The following ZNF844 variants were observed in gnomAD, a reference collection of about 807,000 sequenced individuals.
The protein encoded by ZNF844 is zinc finger protein 844.
ZNF844 carries 11 observed loss-of-function variants against 11.4 expected under a neutral mutation model. The observed-to-expected ratio is 0.97, with a 90% confidence interval of 0.61 to 1.60. The LOEUF (loss-of-function observed/expected upper bound fraction) is 1.60, where lower values mean the gene tolerates loss of function less well. ZNF844 is among the 40% of genes most tolerant of loss of function. The pLI is 0.00. For missense variants in ZNF844, 790 were observed against 796.8 expected (o/e 0.99, Z 0.10); for synonymous variants, 248 against 260.3 (o/e 0.95, Z 0.46).
intron 1 of ZNF844, chr19:12,070,395 C>CT (rs1362918490): frequency 6.6e-6 from 1 of 152,244 alleles, no homozygotes; most frequent in East Asian, 1.9e-4. Context: ...AGCCAGCACT[C>CT]TGAGGCATCC....
intron 1 of ZNF844, among the ~76,000 whole-genome samples, chr19:12,069,953 CAAAAA>C (rs34426508): frequency 3.1e-5 from 2 of 64,950 alleles, no homozygotes; most frequent in Admixed American, 1.9e-4. Context: ...GACTCCGTCT[CAAAAA>C]AAAAAAAAAA....
rs1049139647 is a variant in ZNF844 at position 12,076,607 on chromosome 19, G to T, written c.1487G>T (p.Gly496Val). The change falls in exon 4 of 4, where the codon GGA (glycine) becomes GTA (valine). Residue 496 changes from glycine to valine, a missense_variant. This residue lies in a region of ZNF844 where 657 missense variants were observed against 636.2 expected (regional missense o/e 1.03). Transcript: ENST00000439326. ...CCACTTCCTTTCGATATCATGAAAGGACTCACACTGGAGAGAAACCCTATG... is the reference window on the plus strand; with the variant it reads ...CCACTTCCTTTCGATATCATGAAAGTACTCACACTGGAGAGAAACCCTATG... Reference protein sequence around the residue: ...FFPLPFDIMKGLTLERNPMSV... With the variant: ...FFPLPFDIMKVLTLERNPMSV... The T allele has an allele frequency of 1.2e-6, 2 of 1,612,258 alleles. No individual in the cohort carries two copies. Among genetic ancestry groups the T allele is most frequent in the Non-Finnish European group, 1.7e-6 (2 of 1,179,328 alleles).
rs1317384738 is a variant in ZNF844 at position 12,076,873 on chromosome 19, C to T, written c.1753C>T (p.Pro585Ser). The part of the protein sequence containing the change: ...YMQQCTEDRM[P>S]MNVKSVTKHS... ...GCAACAATGCACAGAGGACAGAATG[C>T]CTATGAATGTAAAGAGTGTGACAAA... is the stretch of plus-strand genomic sequence containing the variant. Residue 585 changes from proline to serine, a missense_variant, in exon 4 of 4, where the codon CCT becomes TCT. This residue lies in a region of ZNF844 where 657 missense variants were observed against 636.2 expected (regional missense o/e 1.03). Transcript: ENST00000439326. The T allele has an allele frequency of 1.9e-6, 3 of 1,567,002 alleles. No homozygotes were observed. Among genetic ancestry groups the T allele is most frequent in the Non-Finnish European group, 2.6e-6 (3 of 1,155,932 alleles).
intron 1 of ZNF844, 47 bp from the exon 2 acceptor site, chr19:12,073,984 T>A (rs778409274): frequency 6.3e-7 from 1 of 1,588,278 alleles, no homozygotes; most frequent in Non-Finnish European, 8.6e-7. Flanking sequence ...AGACCCCCAG[T>A]GCTGTCAGTC....
chr19:12,068,901 G>A (rs1975721403), intron 1 of ZNF844, among the ~76,000 whole-genome samples: 1 of 152,102 alleles, frequency 6.6e-6, no homozygotes, highest in Admixed American at 6.6e-5. Context: ...TCAGAAGCCT[G>A]CAAAGAGGTC....
Position 12,074,373 on chromosome 19 carries a change from A to G in ZNF844, c.143A>G (p.Lys48Arg). Residue 48 changes from lysine (K) to arginine (R), a missense_variant, in exon 3 of 4, where the codon AAA (lysine) becomes AGA (arginine). Lys to Arg is a conservative substitution (Grantham distance 26). Around this residue, in one of 3 missense-constraint regions of ZNF844, gnomAD observed 129 missense variants for 144.0 expected, o/e 0.90. Coordinates refer to ENST00000439326, the MANE Select transcript of ZNF844 (RefSeq NM_001136501.3). The part of the protein sequence containing the change: ...RNLASIGEKW[K>R]DQNIEDQYKN... ...TTCTGTATTTTAGGAGAAAAATGGA[A>G]AGACCAGAACATTGAAGATCAGTAC... The G allele has an allele frequency of 6.5e-7, 1 of 1,529,140 alleles. No individual in the cohort carries two copies. Among genetic ancestry groups the G allele is most frequent in the Non-Finnish European group, 8.8e-7 (1 of 1,140,086 alleles). 94.7% of individuals were successfully genotyped at this position (1,529,140 alleles called of 1,614,324 possible). A position where few individuals can be genotyped will look rare whatever the true frequency, so the allele number is the denominator to read the frequency against.
chr19:12,068,652 A>G (rs547496298), intron 1 of ZNF844, among the ~76,000 whole-genome samples: 2 of 152,294 alleles, frequency 1.3e-5, no homozygotes, highest in East Asian at 3.9e-4. Context: ...AAAAAATAAA[A>G]TAATTTAAAG....
Position 12,076,218 on chromosome 19 carries a change from T to TA in ZNF844, c.1100dup (p.Thr368AspfsTer13). Reference sequence around the variant, plus strand: ...ACACTAGAATGAGACCTTATAAATGTAAGACTGTGGAAAAGCCTTTGATTC... The same window carrying TA: ...ACACTAGAATGAGACCTTATAAATGTAAAGACTGTGGAAAAGCCTTTGATTC... On this transcript the variant is annotated frameshift_variant, in exon 4 of 4. Coordinates refer to ENST00000439326, the MANE Select transcript of ZNF844 (RefSeq NM_001136501.3). LOFTEE classifies it low-confidence loss of function (END_TRUNC). 1 of 1,598,956 alleles carries TA rather than the reference T, an allele frequency of 6.3e-7. No homozygotes were observed. The highest frequency in any genetic ancestry group is 1.8e-5 in the Admixed American group (1 of 56,878).
At chr19:12,070,352 T>A (rs1054222531) in intron 1 of ZNF844, 11 of 152,308 alleles carry the variant, frequency 7.2e-5, no homozygotes, top group African/African-American at 2.6e-4. Context: ...CTGGTCCATC[T>A]TCTTCTTCAC....
intron 1 of ZNF844, among the ~76,000 whole-genome samples, chr19:12,069,467 G>A (rs1230129743): frequency 2.6e-5 from 4 of 151,406 alleles, no homozygotes; most frequent in South Asian, 2.1e-4. Flanking sequence ...TAACAGGGGT[G>A]AGCCATCGCG....
intron 1 of ZNF844, among the ~76,000 whole-genome samples, chr19:12,073,573 T>G (rs773113095): frequency 6.5e-4 from 99 of 152,090 alleles, no homozygotes; most frequent in Non-Finnish European, 1.1e-3. Context: ...TTTTTTGCTT[T>G]TGTTGTCTGC....
chr19:12,076,217 G>A lies in ZNF844; in HGVS notation c.1097G>A (p.Cys366Tyr). 2 of 1,598,484 alleles carry A rather than the reference G, an allele frequency of 1.3e-6. No individual in the cohort carries two copies. The highest frequency in any genetic ancestry group is 1.8e-5 in the Admixed American group (1 of 56,778). ...CACACTAGAATGAGACCTTATAAAT[G>A]TAAGACTGTGGAAAAGCCTTTGATT... ...KMHTRMRPYKCKTVEKPLILP... is the reference protein window; with the variant it reads ...KMHTRMRPYKYKTVEKPLILP... Residue 366 changes from cysteine (C) to tyrosine (Y), a missense_variant, in exon 4 of 4, where the codon TGT (cysteine) becomes TAT (tyrosine). Cys to Tyr is a radical substitution (Grantham distance 194). This residue lies in a region of ZNF844 where 657 missense variants were observed against 636.2 expected (regional missense o/e 1.03). Coordinates refer to ENST00000439326, the MANE Select transcript of ZNF844 (RefSeq NM_001136501.3).
At chr19:12,066,258 G>A (rs1975686050) in intron 1 of ZNF844, among the ~76,000 whole-genome samples, 1 of 151,930 alleles carries the variant, frequency 6.6e-6, no homozygotes, top group African/African-American at 2.4e-5. Context: ...CGGGGAAGAG[G>A]TGGTGGGAAA....
Position 12,077,255 on chromosome 19 carries a change from C to A in ZNF844, c.*134C>A. On this transcript the variant is annotated 3_prime_UTR_variant, in exon 4 of 4. Coordinates refer to ENST00000439326, the MANE Select transcript of ZNF844 (RefSeq NM_001136501.3). ...GTAAAGCCTTCATTTCTTCCACTGC[C>A]ATTCGTAGACATGAAAGGACTCACA... is the stretch of plus-strand genomic sequence containing the variant. 1 of 1,438,582 alleles carries A rather than the reference C, an allele frequency of 7.0e-7. No homozygotes were observed. The highest frequency in any genetic ancestry group is 9.8e-7 in the Non-Finnish European group (1 of 1,025,548). 89.1% of individuals were successfully genotyped at this position (1,438,582 alleles called of 1,614,324 possible).
intron 1 of ZNF844, among the ~76,000 whole-genome samples, chr19:12,073,492 T>C (rs1599400063): frequency 6.6e-6 from 1 of 152,024 alleles, no homozygotes; most frequent in Non-Finnish European, 1.5e-5. Context: ...TATTCATGAG[T>C]TTTTTATTTA....
In ZNF844 at chr19:12,077,166, G is replaced by A. The variant is rs371893073; in HGVS notation, c.*45G>A. The A allele has an allele frequency of 1.6e-5, 25 of 1,601,040 alleles. No homozygotes were observed. The African/African-American group carries it at 2.4e-4, about 16-fold the overall frequency. On this transcript the variant is annotated 3_prime_UTR_variant, in exon 4 of 4. Transcript: ENST00000439326. ...ATGTGGCAAAGCCTTCACTTCTTCT[G>A]GTTCCTTTCAGTGTCATAAAAGGAT...
At chr19:12,069,887 G>A (rs1262620751) in intron 1 of ZNF844, among the ~76,000 whole-genome samples, 5 of 150,962 alleles carry the variant, frequency 3.3e-5, no homozygotes, top group South Asian at 2.1e-4. Context: ...CCCAGGAGGC[G>A]GAGGTTGCGG....
intron 1 of ZNF844, among the ~76,000 whole-genome samples, chr19:12,066,054 C>A (rs1403485428): frequency 6.6e-6 from 1 of 151,876 alleles, no homozygotes; most frequent in Non-Finnish European, 1.5e-5. Flanking sequence ...TGCTGCCTCA[C>A]CCTCCCGAGT....
At chr19:12,068,712 G>A (rs1975719508) in intron 1 of ZNF844, among the ~76,000 whole-genome samples, 1 of 152,200 alleles carries the variant, frequency 6.6e-6, no homozygotes, top group Non-Finnish European at 1.5e-5. Context: ...TGTGTGTATT[G>A]TCTGAAATGA....
Sources: allele counts gnomAD v4.1 joint callset (sites outside exome capture counted in the v4.1 genomes callset), GRCh38; gene constraint gnomAD v4.1.1; regional missense constraint gnomAD v4.1.1; transcripts MANE v1.5; gene names NCBI Gene and HGNC (gene_info 2026-07-23, HGNC 2026-07-21).